MPO: variants seen among roughly 807,000 people sequenced by gnomAD.
MPO encodes myeloperoxidase.
In MPO, 57 loss-of-function variants were observed where a neutral mutation model predicts 69.4. That is an observed-to-expected ratio of 0.82 (90% CI 0.66 to 1.02). The LOEUF is 1.02. Among genes scored for constraint, MPO ranks in the 50% least tolerant of loss-of-function variants. MPO has a pLI of 0.00. For missense variants in MPO, 971 were observed against 1,014.1 expected (o/e 0.96, Z 0.58); for synonymous variants, 426 against 417.1 (o/e 1.02, Z -0.26).
At position 58,279,110 on chromosome 17, in the gene MPO, G is replaced by A. The variant is rs749102851; in HGVS notation, c.783C>T (p.His261=). Residue 261 remains histidine (H), a synonymous_variant, in exon 6 of 12, where the codon CAC becomes CAT. Coordinates refer to ENST00000225275, the MANE Select transcript of MPO (RefSeq NM_000250.2). ...MFMQWGQLLD[H]DLDFTPEPAA... is the part of the protein sequence containing the mutation. ...CCGGCTCAGGGGTGAAGTCGAGGTC[G>A]TGGTCCAACAGCTGGCCCCATTGCA... The A allele has an allele frequency of 8.7e-6, 14 of 1,612,904 alleles. No homozygotes were observed. Among genetic ancestry groups the A allele is most frequent in the Non-Finnish European group, 1.2e-5 (14 of 1,179,610 alleles).
intron 6 of MPO, 184 bp downstream of exon 6, chr17:58,278,824 G>A: frequency 1.3e-6 from 1 of 744,324 alleles, no homozygotes; most frequent in Non-Finnish European, 2.2e-6. Flanking sequence ...CTGCCAGCTG[G>A]CTGAGCCCAG....
intron 7 of MPO, among the ~76,000 whole-genome samples, chr17:58,276,499 T>C (rs2143975045): frequency 6.6e-6 from 1 of 152,302 alleles, no homozygotes. Flanking sequence ...GGGTCAGTCC[T>C]TGCCAGCTCT....
Position 58,270,095 on chromosome 17 carries a change from A to T in MPO, c.*561T>A, listed in dbSNP as rs8073898. On this transcript the variant is annotated 3_prime_UTR_variant, in exon 12 of 12. Transcript: ENST00000225275. The surrounding 1 kb of genome is among the most constrained non-coding windows in gnomAD (Gnocchi z 4.1). ...AGGCACCACTGGTCCAGCTCTGCTA[A>T]CCAGGACACAGATGGCATCTTGGTA... 5.4e-3 allele frequency: 982 copies of T among 180,866 alleles called. 11 individuals carry two copies. Among genetic ancestry groups the T allele is most frequent in the African/African-American group, 0.021 (904 of 42,496 alleles). 11.2% of individuals were successfully genotyped at this position (180,866 alleles called of 1,614,324 possible). A position where few individuals can be genotyped will look rare whatever the true frequency, so the allele number is the denominator to read the frequency against.
In MPO at chr17:58,279,740, C is replaced by T; in HGVS notation, c.425-94G>A. 6.8e-6 allele frequency: 11 copies of T among 1,613,034 alleles called. No homozygotes were observed. In the South Asian group the frequency reaches 1.2e-4, roughly 18 times the overall value. ...GGAGCCCTGGAGACTCCTGAGACTC[C>T]CTGGAGGAAGAAGTTGAGGGGATCA... is the stretch of plus-strand genomic sequence containing the variant. On this transcript the variant is annotated intron_variant, in intron 3 of 11. Transcript: ENST00000225275.
chr17:58,278,997 A>T lies in MPO; in HGVS notation c.885+11T>A. On this transcript the variant is annotated intron_variant, in intron 6 of 11. Transcript: ENST00000225275. ...CTCCCAACCCAGGCAGTGGGCGGGA[A>T]GCAGGGCCACCTTGAGCGGGAAGCA... The T allele has an allele frequency of 6.2e-7, 1 of 1,602,948 alleles. No homozygotes were observed. The highest frequency in any genetic ancestry group is 8.5e-7 in the Non-Finnish European group (1 of 1,177,078).
chr17:58,271,728 G>T lies in MPO; in HGVS notation c.1957C>A (p.Arg653Ser). 6.2e-7 allele frequency: 1 copy of T among 1,614,058 alleles called. No individual in the cohort carries two copies. Among genetic ancestry groups the T allele is most frequent in the Non-Finnish European group, 8.5e-7 (1 of 1,180,046 alleles). The change falls in exon 11 of 12, where the codon CGC (arginine) becomes AGC (serine). Residue 653 changes from arginine to serine, a missense_variant. Arg to Ser is a moderately radical substitution (Grantham distance 110). Coordinates refer to ENST00000225275, the MANE Select transcript of MPO (RefSeq NM_000250.2). ...WMGGVSEPLK[R>S]KGRVGPLLAC... ...AGGAGTGGGCCCACGCGGCCTTTGC[G>T]CTTCAGAGGCTCGGACACGCCGCCC...
rs1186903070 is a variant in MPO at position 58,279,154 on chromosome 17, C to G, written c.739G>C (p.Glu247Gln). The G allele has an allele frequency of 1.9e-6, 3 of 1,612,428 alleles. No individual in the cohort carries two copies. Among genetic ancestry groups the G allele is most frequent in the South Asian group, 2.2e-5 (2 of 90,692 alleles). ...FPTDQLTPDQ[E>Q]RSLMFMQWGQ... is the part of the protein sequence containing the mutation. ...CATTGCATGAACATGAGTGAGCGCT[C>G]CTGGTCCGGAGTCAGCTGATCAGTG... The change falls in exon 6 of 12, where the codon GAG (glutamate) becomes CAG (glutamine). Residue 247 changes from glutamate to glutamine, a missense_variant. Transcript: ENST00000225275.
intron 6 of MPO, 40 bp downstream of exon 6, chr17:58,278,968 C>G (rs536061261): frequency 1.3e-6 from 2 of 1,570,900 alleles, no homozygotes; most frequent in Admixed American, 3.6e-5. Context: ...AAACAATCTC[C>G]CCTCTCCCAA....
rs757049213 is a variant in MPO, at chr17:58,270,628, C to T, written c.*28G>A. 1 of 1,573,698 alleles carries T rather than the reference C, an allele frequency of 6.4e-7. No homozygotes were observed. Among genetic ancestry groups the T allele is most frequent in the Non-Finnish European group, 8.7e-7 (1 of 1,155,656 alleles). On this transcript the variant is annotated 3_prime_UTR_variant, in exon 12 of 12. Transcript: ENST00000225275. This position sits in a 1 kb window ranked among gnomAD's most constrained non-coding sequence, Gnocchi z 4.1. ...CCAACTGGCCAGCCCAGATATACCC[C>T]TCACTGCTGCACCCCCTTACCTGGC...
chr17:58,271,496 A>C (rs1659716067), intron 11 of MPO, among the ~76,000 whole-genome samples, 159 bp downstream of exon 11: 1 of 152,148 alleles, frequency 6.6e-6, no homozygotes, highest in Non-Finnish European at 1.5e-5. Context: ...TTCAGGGCAC[A>C]TTAGGGGCAC....
chr17:58,273,330 C>T (rs1031116494), intron 9 of MPO, 84 bp downstream of exon 9: 25 of 1,601,490 alleles, frequency 1.6e-5, no homozygotes, highest in Non-Finnish European at 2.1e-5. Flanking sequence ...AGACTGCTCC[C>T]CACCCTAGCT....
intron 7 of MPO, among the ~76,000 whole-genome samples, chr17:58,277,007 C>T (rs1240529145): frequency 6.6e-6 from 1 of 151,904 alleles, no homozygotes; most frequent in Admixed American, 6.6e-5. Flanking sequence ...ACTCAGGAGG[C>T]TGAGGCAGAA....
Position 58,271,296 on chromosome 17 carries a change from A to G in MPO, c.2030+359T>C, listed in dbSNP as rs35840794. Among the ~76,000 whole-genome samples, 191 of 152,286 alleles carry G rather than the reference A, an allele frequency of 1.3e-3. 2 individuals carry two copies. Among genetic ancestry groups the G allele is most frequent in the African/African-American group, 4.4e-3 (182 of 41,564 alleles). ...CTAAGCAAGAACTAGACATGAAGACATCAGGACCACGAGGAAATGACACTA... is the reference window on the plus strand; with the variant it reads ...CTAAGCAAGAACTAGACATGAAGACGTCAGGACCACGAGGAAATGACACTA... On this transcript the variant is annotated intron_variant, in intron 11 of 11. Coordinates refer to ENST00000225275, the MANE Select transcript of MPO (RefSeq NM_000250.2).
Position 58,271,680 on chromosome 17 carries a change from A to T in MPO, c.2005T>A (p.Phe669Ile). Residue 669 changes from phenylalanine (F) to isoleucine (I), a missense_variant, in exon 11 of 12, where the codon TTC becomes ATC. Physicochemically the swap from Phe to Ile is conservative, Grantham distance 21. Coordinates refer to ENST00000225275, the MANE Select transcript of MPO (RefSeq NM_000250.2). ...PLLACIIGTQFRKLRDGDRFW... is the reference protein window; with the variant it reads ...PLLACIIGTQIRKLRDGDRFW... ...CGATCACCATCCCGGAGCTTCCTGA[A>T]CTGGGTACCGATGATGCAGGCGAGG... 1 of 1,613,928 alleles carries T rather than the reference A, an allele frequency of 6.2e-7. No individual in the cohort carries two copies. The highest frequency in any genetic ancestry group is 8.5e-7 in the Non-Finnish European group (1 of 1,180,030).
intron 1 of MPO, 38 bp downstream of exon 1, chr17:58,280,567 C>A (rs752121494): frequency 1.2e-6 from 2 of 1,614,176 alleles, no homozygotes; most frequent in East Asian, 4.5e-5. Flanking sequence ...ACACAACCAC[C>A]CCAACACACC....
intron 9 of MPO, 77 bp from the exon 10 acceptor site, chr17:58,272,995 C>T: frequency 6.4e-7 from 1 of 1,558,252 alleles, no homozygotes; most frequent in Non-Finnish European, 8.8e-7. Flanking sequence ...GGGACAAGTC[C>T]AGGTAGGGTC....
rs1288088587 is a variant in MPO at position 58,280,667 on chromosome 17, A to G, written c.92T>C (p.Leu31Pro). 2 of 1,614,124 alleles carry G rather than the reference A, an allele frequency of 1.2e-6. No homozygotes were observed. Among genetic ancestry groups the G allele is most frequent in the Admixed American group, 3.3e-5 (2 of 60,012 alleles). Residue 31 changes from leucine to proline, a missense_variant, in exon 1 of 12, where the codon CTG becomes CCG. Coordinates refer to ENST00000225275, the MANE Select transcript of MPO (RefSeq NM_000250.2). ...GGLTAEMKLLLALAGLLAILA... is the reference protein window; with the variant it reads ...GGLTAEMKLLPALAGLLAILA... Reference sequence around the variant, plus strand: ...AATGGCCAGGAGCCCTGCTAGGGCCAGAAGCAGCTTCATCTCTGCAGTGAG... The same window carrying G: ...AATGGCCAGGAGCCCTGCTAGGGCCGGAAGCAGCTTCATCTCTGCAGTGAG...
chr17:58,274,355 TG>T lies in MPO; in HGVS notation c.1366-687del, dbSNP rs1970408955. ...CTCCTCCAGAATCTAGGAGTGTGTG[TG>T]TGTGTGTGTGTGTGTGTGTGTGTGT... On this transcript the variant is annotated intron_variant, in intron 8 of 11. Transcript: ENST00000225275. 3.9e-5 allele frequency: 11 copies of T among 284,304 alleles called. No individual in the cohort carries two copies. The Admixed American group carries it at 4.2e-4, about 11-fold the overall frequency. The allele number at this position is 284,304 out of a possible 1,614,324, so 17.6% of individuals were successfully genotyped here.
Position 58,279,863 on chromosome 17 carries a change from A to G in MPO, c.400T>C (p.Trp134Arg), listed in dbSNP as rs1419517654. The G allele has an allele frequency of 1.1e-5, 18 of 1,614,096 alleles. No individual in the cohort carries two copies. Among genetic ancestry groups the G allele is most frequent in the Non-Finnish European group, 1.5e-5 (18 of 1,180,030 alleles). The change falls in exon 3 of 12, where the codon TGG becomes CGG. Residue 134 changes from tryptophan to arginine, a missense_variant. By Grantham distance (101) the Trp-to-Arg change is moderately radical. Coordinates refer to ENST00000225275, the MANE Select transcript of MPO (RefSeq NM_000250.2). ...DLLERKLRSLWRRPFNVTDVL... is the reference protein window; with the variant it reads ...DLLERKLRSLRRRPFNVTDVL... ...CCAGTGACATTGAATGGCCTTCGCCACAGGGACCGCAGCTTCCTCTCCAGC... is the reference window on the plus strand; with the variant it reads ...CCAGTGACATTGAATGGCCTTCGCCGCAGGGACCGCAGCTTCCTCTCCAGC...
Sources: gnomAD v4.1 joint callset for allele counts (sites outside exome capture counted in the v4.1 genomes callset) on GRCh38, gnomAD v4.1.1 for gene constraint, Gnocchi (gnomAD v3.1) non-coding constraint, MANE v1.5 for transcripts, NCBI Gene and HGNC (gene_info 2026-07-23, HGNC 2026-07-21) for gene names.